ITGA9: variants seen among roughly 807,000 people sequenced by gnomAD.
ITGA9 encodes the protein integrin alpha-9.
A neutral mutation model predicts 127.8 loss-of-function variants in ITGA9; 56 were observed. The observed-to-expected ratio is 0.44, with a 90% CI of 0.35 to 0.55. The LOEUF (loss-of-function observed/expected upper bound fraction) is 0.55. Ranked by LOEUF, ITGA9 falls within the 20% of genes least tolerant of loss-of-function variation. The pLI, the probability that ITGA9 is intolerant of heterozygous loss-of-function variation, is 0.00. For missense variants in ITGA9, 1,196 were observed against 1,347.1 expected, an observed-to-expected ratio of 0.89 and a Z score of 1.76; for synonymous variants, 508 against 514.5, an observed-to-expected ratio of 0.99 and a Z score of 0.17.
chr3:37,470,607 G>A (rs1698420253), intron 1 of ITGA9, among the ~76,000 whole-genome samples: 1 of 152,134 alleles, frequency 6.6e-6, no homozygotes, highest in East Asian at 1.9e-4. Flanking sequence ...TTGGTTGTAC[G>A]TGTTCCCACC....
At chr3:37,795,139 G>A (rs1476373919) in intron 26 of ITGA9, among the ~76,000 whole-genome samples, 6 of 152,178 alleles carry the variant, frequency 3.9e-5, no homozygotes, top group African/African-American at 1.4e-4. Flanking sequence ...TGAGACAAGT[G>A]TGTGATGTTG....
intron 1 of ITGA9, among the ~76,000 whole-genome samples, chr3:37,463,126 C>G (rs776648436): frequency 6.6e-6 from 1 of 152,156 alleles, no homozygotes; most frequent in Non-Finnish European, 1.5e-5. Flanking sequence ...CAATAGTTGT[C>G]AGCTGCATAG....
intron 10 of ITGA9, 120 bp from the exon 11 acceptor site, chr3:37,519,140 A>G: frequency 1.3e-6 from 1 of 760,682 alleles, no homozygotes; most frequent in Non-Finnish European, 2.3e-6. Flanking sequence ...TAATGCTTGA[A>G]CAATCAACAA....
At chr3:37,754,420 T>C (rs189680805) in intron 23 of ITGA9, among the ~76,000 whole-genome samples, 3 of 152,362 alleles carry the variant, frequency 2.0e-5, no homozygotes, top group Non-Finnish European at 4.4e-5. Context: ...CTAGAACTTT[T>C]ATTCCAGGTG....
chr3:37,720,484 C>T (rs918343492), intron 18 of ITGA9, among the ~76,000 whole-genome samples: 2 of 152,280 alleles, frequency 1.3e-5, no homozygotes, highest in Admixed American at 1.3e-4. Context: ...TGGAATTCAA[C>T]TTGAATTCTT....
At chr3:37,658,080 G>A (rs182415461) in intron 17 of ITGA9, among the ~76,000 whole-genome samples, 66 of 152,182 alleles carry the variant, frequency 4.3e-4, no homozygotes, top group Middle Eastern at 3.4e-3. Flanking sequence ...CTGTTCTTTT[G>A]CATTTGCTGA....
At chr3:37,478,124 C>T (rs367895644) in intron 3 of ITGA9, among the ~76,000 whole-genome samples, 3 of 152,348 alleles carry the variant, frequency 2.0e-5, no homozygotes, top group South Asian at 2.1e-4. Flanking sequence ...AATGCCCCTC[C>T]TGGCCACTTC....
At chr3:37,802,048 A>T (rs1697241252) in intron 26 of ITGA9, among the ~76,000 whole-genome samples, 1 of 152,182 alleles carries the variant, frequency 6.6e-6, no homozygotes. Context: ...CAGTGTGGTG[A>T]TGACAAGCTC....
At chr3:37,499,968 AGGCCTGTGCTGATGCTCAAAGCTTT>A (rs944552799) in intron 5 of ITGA9, among the ~76,000 whole-genome samples, 4 of 152,220 alleles carry the variant, frequency 2.6e-5, no homozygotes, top group Non-Finnish European at 5.9e-5. Flanking sequence ...GAGCCTTTGC[AGGCCTGTGCTGATGCTCAAAGCTTT>A]GGCCTGTGCA....
At chr3:37,579,000 A>G (rs894352953) in intron 15 of ITGA9, among the ~76,000 whole-genome samples, 1 of 152,084 alleles carries the variant, frequency 6.6e-6, no homozygotes. Flanking sequence ...AATGTTAAGG[A>G]TAGGAGGCTT....
intron 24 of ITGA9, among the ~76,000 whole-genome samples, chr3:37,778,670 A>G (rs1318433305): frequency 2.0e-5 from 3 of 151,906 alleles, no homozygotes; most frequent in Non-Finnish European, 4.4e-5. Flanking sequence ...TCTATTTACT[A>G]TATTTGTTAC....
intron 23 of ITGA9, among the ~76,000 whole-genome samples, chr3:37,775,760 A>G (rs1396674294): frequency 1.3e-5 from 2 of 152,222 alleles, no homozygotes; most frequent in African/African-American, 4.8e-5. Flanking sequence ...CATTGTGGAA[A>G]GCAGTGTGGC....
At chr3:37,508,760 G>T in intron 8 of ITGA9, 133 bp downstream of exon 8, 1 of 731,354 alleles carries the variant, frequency 1.4e-6, no homozygotes. Flanking sequence ...TCTGCTTGTT[G>T]GTGTCTTTAC....
At chr3:37,583,397 GCTATCATCATCAGCA>G (rs1231353438) in intron 15 of ITGA9, among the ~76,000 whole-genome samples, 1 of 147,054 alleles carries the variant, frequency 6.8e-6, no homozygotes, top group Non-Finnish European at 1.5e-5. Context: ...AGCTATTATT[GCTATCATCATCAGCA>G]TCATCATCAT....
chr3:37,497,085 T>C (rs143955645), intron 5 of ITGA9, among the ~76,000 whole-genome samples: 1 of 152,342 alleles, frequency 6.6e-6, no homozygotes, highest in African/African-American at 2.4e-5. Context: ...CCTTTTAAAA[T>C]ATTGACCATT....
intron 24 of ITGA9, among the ~76,000 whole-genome samples, chr3:37,778,252 C>T (rs1180312819): frequency 6.6e-6 from 1 of 152,236 alleles, no homozygotes; most frequent in East Asian, 1.9e-4. Context: ...CATGAGGGAG[C>T]CTGCTTAGAT....
chr3:37,500,742 C>T (rs1698779385), intron 5 of ITGA9, among the ~76,000 whole-genome samples: 3 of 152,282 alleles, frequency 2.0e-5, no homozygotes, highest in East Asian at 1.9e-4. Context: ...TGCGTGGGCT[C>T]GTCTCTGCAG....
At chr3:37,467,501 A>G (rs943120043) in intron 1 of ITGA9, among the ~76,000 whole-genome samples, 1 of 152,154 alleles carries the variant, frequency 6.6e-6, no homozygotes, top group African/African-American at 2.4e-5. Flanking sequence ...TAGATAACCT[A>G]TGAATCTGTG....
At chr3:37,706,361 A>C (rs1283709295) in intron 18 of ITGA9, among the ~76,000 whole-genome samples, 1 of 152,130 alleles carries the variant, frequency 6.6e-6, no homozygotes, top group Admixed American at 6.5e-5. Context: ...TTTTCCTGAG[A>C]TGTAATGACT....
Sources: gnomAD v4.1 joint callset for allele counts (sites outside exome capture counted in the v4.1 genomes callset) on GRCh38, gnomAD v4.1.1 for gene constraint, MANE v1.5 for transcripts, NCBI Gene and HGNC (gene_info 2026-07-23, HGNC 2026-07-21) for gene names.